Variants in NOXRED1 observed in about 807,000 individuals in gnomAD.
NOXRED1 encodes the protein NADP dependent oxidoreductase domain containing 1, also known as NADP-dependent oxidoreductase domain-containing protein 1.
In NOXRED1, 20 loss-of-function variants were observed where a neutral mutation model predicts 30.4. That is an observed-to-expected ratio of 0.66 (90% CI 0.46 to 0.96). The LOEUF is 0.96. NOXRED1 is among the 40% of genes least tolerant of loss of function. The pLI, the probability that NOXRED1 is intolerant of heterozygous loss-of-function variation, is 0.00. For synonymous variants in NOXRED1, 155 were observed against 168.0 expected (o/e 0.92, Z 0.60); for missense variants, 374 against 428.0 (o/e 0.87, Z 1.11).
chr14:77,415,927 C>A (rs753796927), intron 1 of NOXRED1, among the ~76,000 whole-genome samples: 24 of 151,996 alleles, frequency 1.6e-4, no homozygotes, highest in Non-Finnish European at 3.1e-4. Context: ...GTTGGCCAGG[C>A]TGGTCTCGAA....
At chr14:77,403,188 A>C (rs949061084) in intron 5 of NOXRED1, among the ~76,000 whole-genome samples, 14 of 152,284 alleles carry the variant, frequency 9.2e-5, no homozygotes, top group African/African-American at 3.4e-4. Flanking sequence ...ATTTTCTTAA[A>C]ACTTGAGAAG....
At chr14:77,402,198 TAACTAA>T (rs1192469530) in intron 5 of NOXRED1, among the ~76,000 whole-genome samples, 2 of 152,178 alleles carry the variant, frequency 1.3e-5, no homozygotes, top group Admixed American at 1.3e-4. Context: ...AGAATTTAAA[TAACTAA>T]AACTAAAAGT....
intron 2 of NOXRED1, among the ~76,000 whole-genome samples, chr14:77,410,102 T>TG (rs1411476973): frequency 6.6e-6 from 1 of 151,816 alleles, no homozygotes; most frequent in Non-Finnish European, 1.5e-5. Flanking sequence ...CATGCCCAGT[T>TG]GGTAAGATTT....
rs1894447592 is a variant in NOXRED1, at chr14:77,406,008, G to A, written c.810C>T (p.His270=). 2 of 1,613,700 alleles carry A rather than the reference G, an allele frequency of 1.2e-6. No homozygotes were observed. The highest frequency in any genetic ancestry group is 1.3e-5 in the African/African-American group (1 of 74,930). The part of the protein sequence containing the change: ...QLLSELFLSV[H]FEDCGKDTAS... The stretch of plus-strand genomic sequence containing the variant: ...CTGTGTCTTTCCCACAGTCTTCAAA[G>A]TGCACGGAGAGAAAGAGTTCACTCA... The change falls in exon 5 of 6, where the codon CAC becomes CAT. Residue 270 remains histidine (H), a synonymous_variant. Coordinates refer to ENST00000380835, the MANE Select transcript of NOXRED1 (RefSeq NM_001113475.3).
At chr14:77,415,676 T>C (rs576024427) in intron 1 of NOXRED1, among the ~76,000 whole-genome samples, 29 of 151,074 alleles carry the variant, frequency 1.9e-4, no homozygotes, top group Non-Finnish European at 4.0e-4. Flanking sequence ...AACAGCTCTT[T>C]AGAACCTTTC....
intron 2 of NOXRED1, among the ~76,000 whole-genome samples, chr14:77,408,610 C>T (rs949965429): frequency 6.6e-6 from 1 of 152,032 alleles, no homozygotes; most frequent in African/African-American, 2.4e-5. Flanking sequence ...TAAGGTGTAA[C>T]CCCCACAAGG....
intron 5 of NOXRED1, among the ~76,000 whole-genome samples, chr14:77,396,616 CA>C (rs747194910): frequency 6.6e-6 from 1 of 152,140 alleles, no homozygotes; most frequent in Non-Finnish European, 1.5e-5. Context: ...ACAAAATAAA[CA>C]TACAAATATC....
At position 77,422,724 on chromosome 14, in the gene NOXRED1, A is replaced by G; in HGVS notation, c.155+11T>C. ...CTTGTCCATCTTCCTGAATTTGGAT[A>G]CTCGGCTTACCTCAAATTATATAAT... On this transcript the variant is annotated intron_variant, in intron 1 of 5. Transcript: ENST00000380835. 4 of 1,613,160 alleles carry G rather than the reference A, an allele frequency of 2.5e-6. No homozygotes were observed. The highest frequency in any genetic ancestry group is 3.4e-6 in the Non-Finnish European group (4 of 1,179,168).
chr14:77,401,852 T>A (rs972720814), intron 5 of NOXRED1, among the ~76,000 whole-genome samples: 1 of 152,156 alleles, frequency 6.6e-6, no homozygotes, highest in Non-Finnish European at 1.5e-5. Context: ...TAGAGTGGAA[T>A]AGAATAGAAA....
chr14:77,409,863 C>T lies in NOXRED1; in HGVS notation c.350-2218G>A, dbSNP rs556873289. On this transcript the variant is annotated intron_variant, in intron 2 of 5. Transcript: ENST00000380835. ...TTGCTCTGTCATCCAGGCTGGAGTG[C>T]GTGGTACAATTTTGGCTCACTGCAA... Among the ~76,000 whole-genome samples, 60 of 147,916 alleles carry T rather than the reference C, an allele frequency of 4.1e-4. No individual in the cohort carries two copies. The South Asian group carries it at 0.011, about 28-fold the overall frequency.
At position 77,423,397 on chromosome 14, in the gene NOXRED1, G is replaced by A. The variant is rs1895053989; in HGVS notation, c.-508C>T. On this transcript the variant is annotated 5_prime_UTR_variant, in exon 1 of 6. Transcript: ENST00000380835. ...CCCAAACTAAATATCATTGTCCCCTGTCTAGGGCAGGGACATCTAGATTTT... is the reference window on the plus strand; with the variant it reads ...CCCAAACTAAATATCATTGTCCCCTATCTAGGGCAGGGACATCTAGATTTT... The A allele has an allele frequency of 6.5e-6, 1 of 153,238 alleles. No individual in the cohort carries two copies. The highest frequency in any genetic ancestry group is 2.4e-5 in the African/African-American group (1 of 41,434). The allele number at this position is 153,238 out of a possible 1,614,324, so 9.5% of individuals were successfully genotyped here. A position where few individuals can be genotyped will look rare whatever the true frequency, so the allele number is the denominator to read the frequency against.
chr14:77,422,684 C>G, intron 1 of NOXRED1, 51 bp downstream of exon 1: 1 of 1,565,044 alleles, frequency 6.4e-7, no homozygotes, highest in Non-Finnish European at 8.8e-7. Flanking sequence ...CATTTGAATT[C>G]TCAGCAGTGA....
chr14:77,417,208 A>T (rs1894853064), intron 1 of NOXRED1, among the ~76,000 whole-genome samples: 1 of 151,212 alleles, frequency 6.6e-6, no homozygotes, highest in African/African-American at 2.4e-5. Flanking sequence ...TTATTTTGTG[A>T]CCTAACGTGA....
intron 5 of NOXRED1, among the ~76,000 whole-genome samples, chr14:77,402,685 C>T (rs957384147): frequency 1.3e-5 from 2 of 151,716 alleles, no homozygotes; most frequent in Non-Finnish European, 2.9e-5. Context: ...GGGCCAGAGA[C>T]CTTAACAGAC....
At chr14:77,425,351 C>A (rs1469182332), upstream of NOXRED1, among the ~76,000 whole-genome samples, 1 of 152,092 alleles carries the variant, frequency 6.6e-6, no homozygotes, top group African/African-American at 2.4e-5. Flanking sequence ...AGAGAAAGGT[C>A]AAAATTCTCT....
intron 5 of NOXRED1, among the ~76,000 whole-genome samples, chr14:77,401,072 T>C (rs1338687262): frequency 1.3e-5 from 2 of 152,082 alleles, no homozygotes; most frequent in African/African-American, 4.8e-5. Flanking sequence ...TATTGAAAAA[T>C]TGACTCTATA....
At chr14:77,406,636 G>C (rs45557839) in intron 4 of NOXRED1, 88 bp downstream of exon 4, 17,375 of 498,458 alleles carry the variant, frequency 0.035, 414 homozygotes, top group Non-Finnish European at 0.044. Context: ...CACACACACA[G>C]AGAGAGAGAG....
Position 77,422,954 on chromosome 14 carries a change from A to C in NOXRED1, c.-65T>G. ...ATTTGGCTCCCTGTCCCGGTAGAAG[A>C]GGGGTCTATGTAGGAGGTGTGTGTA... On this transcript the variant is annotated 5_prime_UTR_variant, in exon 1 of 6. Transcript: ENST00000380835. 1.4e-6 allele frequency: 2 copies of C among 1,402,708 alleles called. No individual in the cohort carries two copies. Among genetic ancestry groups the C allele is most frequent in the Non-Finnish European group, 2.0e-6 (2 of 1,010,412 alleles). 86.9% of individuals were successfully genotyped at this position (1,402,708 alleles called of 1,614,324 possible). A position where few individuals can be genotyped will look rare whatever the true frequency, so the allele number is the denominator to read the frequency against.
intron 2 of NOXRED1, among the ~76,000 whole-genome samples, chr14:77,409,674 C>T (rs891698681): frequency 6.6e-6 from 1 of 152,062 alleles, no homozygotes; most frequent in African/African-American, 2.4e-5. Flanking sequence ...TTATTGTTTC[C>T]TTACACAACA....
Sources: allele counts gnomAD v4.1 joint callset (sites outside exome capture counted in the v4.1 genomes callset), GRCh38; gene constraint gnomAD v4.1.1; transcripts MANE v1.5; gene names NCBI Gene and HGNC (gene_info 2026-07-23, HGNC 2026-07-21).